Variants in GRID1 observed in about 807,000 individuals in gnomAD.
GRID1 encodes the protein glutamate receptor ionotropic, delta-1.
A neutral mutation model predicts 98.0 loss-of-function variants in GRID1; 28 were observed. That is an observed-to-expected ratio of 0.29 (90% confidence interval 0.21 to 0.39). GRID1 has a LOEUF of 0.39. Among genes scored for constraint, GRID1 ranks in the 10% least tolerant of loss-of-function variants. The pLI is 1.00. For synonymous variants in GRID1, 553 were observed against 538.5 expected (o/e 1.03, Z -0.37); for missense variants, 1,111 against 1,340.5 (o/e 0.83, Z 2.67).
At chr10:86,157,773 G>GC (rs1258539131) in intron 3 of GRID1, among the ~76,000 whole-genome samples, 1 of 152,154 alleles carries the variant, frequency 6.6e-6, no homozygotes, top group Non-Finnish European at 1.5e-5. Flanking sequence ...AATTATAAAC[G>GC]CAAGTTGACA....
chr10:86,338,063 G>A (rs1848252171), intron 2 of GRID1, among the ~76,000 whole-genome samples: 2 of 152,284 alleles, frequency 1.3e-5, no homozygotes, highest in Non-Finnish European at 1.5e-5. Context: ...ACGTGGCTTG[G>A]GCTGGCCAAT....
chr10:86,200,081 C>G (rs952990112), intron 3 of GRID1, among the ~76,000 whole-genome samples: 1 of 152,030 alleles, frequency 6.6e-6, no homozygotes, highest in African/African-American at 2.4e-5. Context: ...GCCCCCAGAC[C>G]TTTCCTCTGG....
intron 8 of GRID1, among the ~76,000 whole-genome samples, chr10:85,847,767 G>C (rs918822683): frequency 1.3e-5 from 2 of 151,660 alleles, no homozygotes; most frequent in Non-Finnish European, 2.9e-5. Flanking sequence ...TGAGTAAACA[G>C]TATCTACTTT....
In GRID1 at chr10:86,366,581, C is replaced by G; in HGVS notation, c.-189G>C. 1 of 221,412 alleles carries G rather than the reference C, an allele frequency of 4.5e-6. No homozygotes were observed. 13.7% of individuals were successfully genotyped at this position (221,412 alleles called of 1,614,324 possible). A position where few individuals can be genotyped will look rare whatever the true frequency, so the allele number is the denominator to read the frequency against. Reference sequence around the variant, plus strand: ...CCCAGCCCAGCCCAGCCCAGCCCAGCGCGGTCGGGCTCCCGCTCCGGCTCC... The same window carrying G: ...CCCAGCCCAGCCCAGCCCAGCCCAGGGCGGTCGGGCTCCCGCTCCGGCTCC... On this transcript the variant is annotated 5_prime_UTR_variant, in exon 1 of 16. Coordinates refer to ENST00000327946, the MANE Select transcript of GRID1 (RefSeq NM_017551.3). The surrounding 1 kb of genome is among the most constrained non-coding windows in gnomAD (Gnocchi z 4.1).
intron 4 of GRID1, among the ~76,000 whole-genome samples, chr10:86,035,982 T>C (rs1843255456): frequency 6.6e-6 from 1 of 152,186 alleles, no homozygotes; most frequent in Non-Finnish European, 1.5e-5. Flanking sequence ...CAAGTGGACC[T>C]GGGCGTGTCT....
intron 12 of GRID1, chr10:85,647,732 A>C (rs1843214286): frequency 4.4e-6 from 1 of 225,448 alleles, no homozygotes; most frequent in Admixed American, 5.0e-5. Context: ...AGAAGCAAAC[A>C]TATAGACAGA....
chr10:85,764,631 A>G (rs766282948), intron 8 of GRID1, among the ~76,000 whole-genome samples: 2 of 152,160 alleles, frequency 1.3e-5, no homozygotes, highest in African/African-American at 4.8e-5. Flanking sequence ...TCACAAACAC[A>G]TGTGGGCTTT....
In GRID1 at chr10:85,950,485, A is replaced by T. The variant is rs1005925177; in HGVS notation, c.727-34246T>A. ...TGTAACTCCATGTCCTAAGACTTTTAAAAATGATACAGCTACAGATAAGGG... is the reference window on the plus strand; with the variant it reads ...TGTAACTCCATGTCCTAAGACTTTTTAAAATGATACAGCTACAGATAAGGG... On this transcript the variant is annotated intron_variant, in intron 4 of 15. Coordinates refer to ENST00000327946, the MANE Select transcript of GRID1 (RefSeq NM_017551.3). Among the ~76,000 whole-genome samples, 5 of 152,326 alleles carry T rather than the reference A, an allele frequency of 3.3e-5. No individual in the cohort carries two copies. The East Asian group carries it at 9.7e-4, about 29-fold the overall frequency.
intron 12 of GRID1, among the ~76,000 whole-genome samples, chr10:85,660,153 G>C (rs1033358575): frequency 5.3e-5 from 8 of 152,254 alleles, no homozygotes; most frequent in Admixed American, 5.2e-4. Context: ...TCTCTGGCCA[G>C]TGACAGAGAC....
At chr10:86,008,493 T>A (rs1842889158) in intron 4 of GRID1, among the ~76,000 whole-genome samples, 1 of 152,168 alleles carries the variant, frequency 6.6e-6, no homozygotes, top group Admixed American at 6.5e-5. Flanking sequence ...ATAATAGTTG[T>A]AACACTTATA....
intron 4 of GRID1, among the ~76,000 whole-genome samples, chr10:85,923,270 C>T (rs1841730673): frequency 1.3e-5 from 2 of 152,140 alleles, no homozygotes; most frequent in African/African-American, 4.8e-5. Flanking sequence ...TGGGGGAGTG[C>T]ATGGGCTCAG....
intron 8 of GRID1, among the ~76,000 whole-genome samples, chr10:85,809,875 C>T (rs181537237): frequency 1.8e-4 from 27 of 152,130 alleles, no homozygotes; most frequent in Non-Finnish European, 3.1e-4. Context: ...GCCACTATAG[C>T]CCCCCTGTAG....
At chr10:85,647,075 G>C (rs548217275) in intron 13 of GRID1, 127 bp downstream of exon 13, 2 of 733,842 alleles carry the variant, frequency 2.7e-6, no homozygotes, top group African/African-American at 3.5e-5. Flanking sequence ...GAACGTGTGC[G>C]ATGGATCGCC....
intron 4 of GRID1, among the ~76,000 whole-genome samples, chr10:86,047,724 C>T (rs886677786): frequency 2.0e-5 from 3 of 152,024 alleles, no homozygotes; most frequent in African/African-American, 7.2e-5. Flanking sequence ...AGCAGAAGCA[C>T]TCAGAGATGT....
chr10:86,336,569 C>T (rs988594936), intron 2 of GRID1, among the ~76,000 whole-genome samples: 4 of 152,210 alleles, frequency 2.6e-5, no homozygotes, highest in Admixed American at 2.0e-4. Flanking sequence ...CGGTCCACAC[C>T]TCCCCATACC....
At chr10:86,170,698 C>A (rs1048713148) in intron 3 of GRID1, among the ~76,000 whole-genome samples, 1 of 152,198 alleles carries the variant, frequency 6.6e-6, no homozygotes, top group African/African-American at 2.4e-5. Context: ...CGTGCGCATG[C>A]ACTCCAAGTG....
intron 4 of GRID1, among the ~76,000 whole-genome samples, chr10:86,097,294 G>T (rs1221812864): frequency 6.6e-6 from 1 of 152,140 alleles, no homozygotes; most frequent in Non-Finnish European, 1.5e-5. Flanking sequence ...GATTTATTAG[G>T]GGATTAACAA....
intron 12 of GRID1, among the ~76,000 whole-genome samples, chr10:85,683,480 A>G (rs1841234047): frequency 6.6e-6 from 1 of 152,226 alleles, no homozygotes; most frequent in Non-Finnish European, 1.5e-5. Context: ...TGCCTTGAGG[A>G]CTGGTGAGCT....
At chr10:86,083,803 C>T (rs914754414) in intron 4 of GRID1, among the ~76,000 whole-genome samples, 21 of 152,220 alleles carry the variant, frequency 1.4e-4, no homozygotes, top group Admixed American at 1.4e-3. Context: ...AGGCAGCTTT[C>T]CACCTGAATA....
Sources: gnomAD v4.1 joint callset for allele counts (sites outside exome capture counted in the v4.1 genomes callset) on GRCh38, gnomAD v4.1.1 for gene constraint, Gnocchi (gnomAD v3.1) non-coding constraint, MANE v1.5 for transcripts, NCBI Gene and HGNC (gene_info 2026-07-23, HGNC 2026-07-21) for gene names.